The following MECOM variants were observed in gnomAD, a reference collection of about 807,000 sequenced individuals.
The protein encoded by MECOM is MDS1 and EVI1 complex locus, also known as histone-lysine N-methyltransferase MECOM.
Under a neutral mutation model 116.3 loss-of-function variants are expected in MECOM, and 13 were observed. The observed-to-expected ratio is 0.11, with a 90% CI of 0.07 to 0.18. MECOM has a LOEUF of 0.18. Among genes scored for constraint, MECOM ranks in the 10% least tolerant of loss-of-function variants. The pLI is 1.00. For synonymous variants in MECOM, 528 were observed against 535.2 expected, an observed-to-expected ratio of 0.99 and a Z score of 0.19; for missense variants, 1,299 against 1,509.0, an observed-to-expected ratio of 0.86 and a Z score of 2.31.
chr3:169,368,824 T>G (rs1729608322), intron 2 of MECOM, among the ~76,000 whole-genome samples: 1 of 152,010 alleles, frequency 6.6e-6, no homozygotes. Flanking sequence ...GTTTTACTAT[T>G]GACTTAGTGG....
At chr3:169,544,191 T>C (rs759081578) in intron 1 of MECOM, among the ~76,000 whole-genome samples, 123 of 152,244 alleles carry the variant, frequency 8.1e-4, no homozygotes, top group Non-Finnish European at 3.5e-4. Context: ...TACTAACTGG[T>C]TATCCCAGCT....
chr3:169,332,639 G>C (rs965545946), intron 2 of MECOM, among the ~76,000 whole-genome samples: 1 of 152,074 alleles, frequency 6.6e-6, no homozygotes, highest in Non-Finnish European at 1.5e-5. Flanking sequence ...ATATCTTACA[G>C]ATGCATCTGT....
intron 2 of MECOM, among the ~76,000 whole-genome samples, chr3:169,300,482 T>C (rs979903068): frequency 6.6e-6 from 1 of 152,246 alleles, no homozygotes. Flanking sequence ...AAAACAGTTA[T>C]AATTGTTCAA....
intron 2 of MECOM, among the ~76,000 whole-genome samples, chr3:169,328,612 G>T (rs914727636): frequency 1.3e-5 from 2 of 152,046 alleles, no homozygotes; most frequent in Non-Finnish European, 2.9e-5. Flanking sequence ...TAGTGTGCAG[G>T]AACAAAAATT....
intron 2 of MECOM, among the ~76,000 whole-genome samples, chr3:169,174,710 G>A (rs1271289086): frequency 6.6e-6 from 1 of 152,124 alleles, no homozygotes; most frequent in Non-Finnish European, 1.5e-5. Context: ...AAGTATGTTA[G>A]GAGAAAGCAA....
At position 169,440,682 on chromosome 3, in the gene MECOM, T is replaced by C. The variant is rs138291849; in HGVS notation, c.38-59158A>G. On this transcript the variant is annotated intron_variant, in intron 1 of 16. Transcript: ENST00000651503. ...ATACTTGTAATGAGACCTGTTATCATTGCTTATCTTTTTAGGGATAAACCA... is the reference window on the plus strand; with the variant it reads ...ATACTTGTAATGAGACCTGTTATCACTGCTTATCTTTTTAGGGATAAACCA... 2.0e-3 allele frequency among the ~76,000 whole-genome samples: 304 copies of C among 152,304 alleles called. 5 individuals are homozygous for C. The East Asian group carries it at 0.048, about 24-fold the overall frequency.
chr3:169,281,503 A>G (rs1711995811), intron 2 of MECOM, among the ~76,000 whole-genome samples: 2 of 152,142 alleles, frequency 1.3e-5, no homozygotes, highest in South Asian at 4.1e-4. Context: ...CATATGTTTG[A>G]TTTATTTGCA....
chr3:169,132,359 A>AG (rs1734989820), intron 3 of MECOM, among the ~76,000 whole-genome samples: 1 of 152,196 alleles, frequency 6.6e-6, no homozygotes, highest in African/African-American at 2.4e-5. Flanking sequence ...TTGGTGACTT[A>AG]GGCAAGTCAT....
intron 1 of MECOM, among the ~76,000 whole-genome samples, chr3:169,583,833 G>T (rs1019834405): frequency 1.3e-5 from 2 of 151,064 alleles, no homozygotes; most frequent in Non-Finnish European, 2.9e-5. Context: ...TTGAACTCCC[G>T]GGTTTAAGCA....
rs76643993 is a variant in MECOM, at chr3:169,306,960, C to T, written c.375+74227G>A. The stretch of plus-strand genomic sequence containing the variant: ...TCTTATCTCCAACCCAGACCACTTC[C>T]TTAGGTGCAGTCTCACATATCCAAC... On this transcript the variant is annotated intron_variant, in intron 2 of 16. Transcript: ENST00000651503. Among the ~76,000 whole-genome samples, 242 of 152,300 alleles carry T rather than the reference C, an allele frequency of 1.6e-3. 5 individuals carry two copies. The East Asian group carries it at 0.044, about 28-fold the overall frequency.
chr3:169,492,070 G>A (rs1232059790), intron 1 of MECOM, among the ~76,000 whole-genome samples: 3 of 152,150 alleles, frequency 2.0e-5, no homozygotes, highest in Admixed American at 6.6e-5. Context: ...CATTAGTATT[G>A]TCTTCAATTC....
Position 169,367,719 on chromosome 3 carries a change from G to T in MECOM, c.375+13468C>A, listed in dbSNP as rs575782797. 5.7e-4 allele frequency among the ~76,000 whole-genome samples: 86 copies of T among 152,120 alleles called. 1 individual carries two copies. In the South Asian group the frequency reaches 0.016, roughly 29 times the overall value. ...GGAATAAAAGTCGGGTCTGAAAGCT[G>T]GTGGAATAAATGCTCAACAGTGTAA... is the stretch of plus-strand genomic sequence containing the variant. On this transcript the variant is annotated intron_variant, in intron 2 of 16. Transcript: ENST00000651503.
At chr3:169,642,264 G>A (rs1451434444) in intron 1 of MECOM, among the ~76,000 whole-genome samples, 2 of 152,110 alleles carry the variant, frequency 1.3e-5, no homozygotes, top group Non-Finnish European at 1.5e-5. Context: ...AGGTAGGCAT[G>A]AAAAACAAAA....
intron 1 of MECOM, among the ~76,000 whole-genome samples, chr3:169,406,375 C>CT (rs1318853624): frequency 1.3e-5 from 2 of 152,298 alleles, no homozygotes; most frequent in Admixed American, 6.5e-5. Context: ...CCCCAGGGTC[C>CT]TTTCCAGCTT....
intron 13 of MECOM, 33 bp downstream of exon 13, chr3:169,095,043 C>T (rs1721046129): frequency 6.8e-7 from 1 of 1,474,216 alleles, no homozygotes; most frequent in Admixed American, 2.3e-5. Flanking sequence ...AAAAAGAAGT[C>T]ATCTTTGACT....
intron 1 of MECOM, among the ~76,000 whole-genome samples, chr3:169,646,678 C>A (rs539650728): frequency 4.6e-4 from 70 of 152,208 alleles, no homozygotes; most frequent in Non-Finnish European, 7.1e-4. Flanking sequence ...TTGTAGCTAG[C>A]TTTCCTTGCC....
intron 2 of MECOM, among the ~76,000 whole-genome samples, chr3:169,324,709 A>G (rs185848933): frequency 1.3e-5 from 2 of 152,338 alleles, no homozygotes; most frequent in Admixed American, 1.3e-4. Flanking sequence ...ACTGAGCATA[A>G]CAGAAACTTA....
chr3:169,292,824 A>C (rs945390033), intron 2 of MECOM, among the ~76,000 whole-genome samples: 1 of 152,192 alleles, frequency 6.6e-6, no homozygotes, highest in African/African-American at 2.4e-5. Flanking sequence ...AGGGAATGGA[A>C]AAAGATCTGG....
chr3:169,525,137 T>A (rs1757816040), intron 1 of MECOM, among the ~76,000 whole-genome samples: 1 of 152,236 alleles, frequency 6.6e-6, no homozygotes, highest in African/African-American at 2.4e-5. Context: ...ATGTTTCTCA[T>A]CTGTTTATTC....
Sources: gnomAD v4.1 joint callset for allele counts (sites outside exome capture counted in the v4.1 genomes callset) on GRCh38, gnomAD v4.1.1 for gene constraint, MANE v1.5 for transcripts, NCBI Gene and HGNC (gene_info 2026-07-23, HGNC 2026-07-21) for gene names.